Variants in VEPH1 observed in about 807,000 individuals in gnomAD.
VEPH1 encodes the protein ventricular zone-expressed PH domain-containing protein homolog 1.
Under a neutral mutation model 85.2 loss-of-function variants are expected in VEPH1, and 80 were observed. The observed-to-expected ratio is 0.94, with a 90% confidence interval of 0.78 to 1.13. The LOEUF (loss-of-function observed/expected upper bound fraction) is 1.13, where lower values mean the gene tolerates loss of function less well. VEPH1 is among the 50% of genes most tolerant of loss of function. VEPH1 has a pLI of 0.00. For synonymous variants in VEPH1, 297 were observed against 348.0 expected (o/e 0.85, Z 1.63); for missense variants, 955 against 980.5 (o/e 0.97, Z 0.35).
chr3:157,323,640 T>A (rs1199142091), intron 9 of VEPH1, among the ~76,000 whole-genome samples: 1 of 152,194 alleles, frequency 6.6e-6, no homozygotes, highest in Non-Finnish European at 1.5e-5. Context: ...CAGCCAGTTG[T>A]CAAATGGGCA....
At chr3:157,312,275 C>G (rs1024318822) in intron 11 of VEPH1, among the ~76,000 whole-genome samples, 1 of 152,114 alleles carries the variant, frequency 6.6e-6, no homozygotes, top group African/African-American at 2.4e-5. Flanking sequence ...TAAGAATAAT[C>G]AGAATATTCG....
chr3:157,485,095 A>T (rs768360242), intron 2 of VEPH1, among the ~76,000 whole-genome samples: 1 of 152,202 alleles, frequency 6.6e-6, no homozygotes. Context: ...AATTGCTGTC[A>T]TTCCCCCAAT....
intron 12 of VEPH1, among the ~76,000 whole-genome samples, chr3:157,269,641 T>TG (rs1553754080): frequency 1.7e-4 from 19 of 109,226 alleles, no homozygotes; most frequent in Non-Finnish European, 3.0e-4. Context: ...TTGTTTTTGT[T>TG]GTTTTTTTTT....
At chr3:157,352,699 C>A (rs10428149) in intron 9 of VEPH1, among the ~76,000 whole-genome samples, 43,047 of 152,094 alleles carry the variant, frequency 0.28, 6,587 homozygotes, top group African/African-American at 0.39. Context: ...ATAGCAACAA[C>A]AACAAAAAAA....
At chr3:157,475,884 G>A (rs771213426) in intron 2 of VEPH1, among the ~76,000 whole-genome samples, 16 of 152,132 alleles carry the variant, frequency 1.1e-4, no homozygotes, top group Non-Finnish European at 1.9e-4. Flanking sequence ...TTGGCTGAAT[G>A]GCCAAGGGCC....
intron 11 of VEPH1, among the ~76,000 whole-genome samples, chr3:157,300,229 A>G (rs966862019): frequency 6.6e-5 from 10 of 152,222 alleles, no homozygotes; most frequent in African/African-American, 1.9e-4. Flanking sequence ...TTATTTAAGA[A>G]AAGAACCCAA....
intron 7 of VEPH1, among the ~76,000 whole-genome samples, chr3:157,366,194 CA>C (rs1726674309): frequency 6.6e-6 from 1 of 152,122 alleles, no homozygotes; most frequent in Non-Finnish European, 1.5e-5. Flanking sequence ...TTTTTTATTA[CA>C]GTATATAATA....
chr3:157,427,737 G>A (rs1171051464), intron 5 of VEPH1, among the ~76,000 whole-genome samples: 1 of 152,228 alleles, frequency 6.6e-6, no homozygotes, highest in Non-Finnish European at 1.5e-5. Context: ...TTACAGGCAG[G>A]AGCCACCATG....
chr3:157,500,586 G>A (rs1466336071), intron 1 of VEPH1, among the ~76,000 whole-genome samples: 1 of 152,144 alleles, frequency 6.6e-6, no homozygotes, highest in Non-Finnish European at 1.5e-5. Flanking sequence ...TTCATGAGTA[G>A]CTGTATTTTT....
rs3048623 is a variant in VEPH1, at chr3:157,472,026, TTCC to T, written c.139-1500_139-1498del. Among the ~76,000 whole-genome samples the T allele has an allele frequency of 9.3e-3, 1,419 of 152,188 alleles. 19 individuals carry two copies. Among genetic ancestry groups the T allele is most frequent in the African/African-American group, 0.032 (1,312 of 41,546 alleles). ...AAAGTTAATCTCCCTGTCAGCGCTG[TTCC>T]TCATCCGTCCCAGTCCCCTTCCTCA... On this transcript the variant is annotated intron_variant, in intron 2 of 13. Transcript: ENST00000362010.
chr3:157,434,962 A>T (rs1322332000), intron 4 of VEPH1, among the ~76,000 whole-genome samples: 1 of 152,252 alleles, frequency 6.6e-6, no homozygotes, highest in Admixed American at 6.5e-5. Context: ...AAAGCAGCAC[A>T]TTTTAGATTA....
chr3:157,268,158 A>G (rs1022773083), intron 12 of VEPH1, among the ~76,000 whole-genome samples: 4 of 152,372 alleles, frequency 2.6e-5, no homozygotes, highest in African/African-American at 9.6e-5. Flanking sequence ...TAAATTTTCC[A>G]TAAACATGGT....
At chr3:157,395,603 T>A (rs1730301146) in intron 6 of VEPH1, among the ~76,000 whole-genome samples, 1 of 152,196 alleles carries the variant, frequency 6.6e-6, no homozygotes, top group African/African-American at 2.4e-5. Context: ...CTCTCCAAGG[T>A]CATCCTTTGC....
intron 11 of VEPH1, among the ~76,000 whole-genome samples, chr3:157,299,935 A>T (rs941192109): frequency 6.6e-6 from 1 of 152,110 alleles, no homozygotes; most frequent in Non-Finnish European, 1.5e-5. Flanking sequence ...TACATGTATT[A>T]TGTCTTTTGA....
rs1172477437 is a variant in VEPH1, at chr3:157,470,508, C to G, written c.160G>C (p.Asp54His). ...SSSDYQTNNN[D>H]QAVVEICITR... ...ATACAGATTTCAACTACTGCCTGGT[C>G]ATTGTTATTGGTTTGGTAATCCTGT... Residue 54 changes from aspartate to histidine, a missense_variant, in exon 3 of 14, where the codon GAC (aspartate) becomes CAC (histidine). By Grantham distance (81) the Asp-to-His change is moderately conservative (BLOSUM62 -1). Coordinates refer to ENST00000362010, the MANE Select transcript of VEPH1 (RefSeq NM_001167912.2). 6.2e-7 allele frequency: 1 copy of G among 1,614,036 alleles called. No individual in the cohort carries two copies. The highest frequency in any genetic ancestry group is 1.6e-4 in the Middle Eastern group (1 of 6,062).
intron 3 of VEPH1, among the ~76,000 whole-genome samples, chr3:157,463,366 A>C (rs62278655): frequency 0.17 from 26,209 of 152,158 alleles, 2,889 homozygotes; most frequent in East Asian, 0.38. Context: ...TTGGCGATAA[A>C]TCATGCGTCT....
chr3:157,283,485 A>C (rs2108356337), intron 12 of VEPH1, among the ~76,000 whole-genome samples: 2 of 152,324 alleles, frequency 1.3e-5, no homozygotes, highest in South Asian at 4.1e-4. Context: ...CTATCTGTAC[A>C]TTACTGGATA....
chr3:157,402,117 A>G (rs1730830489), intron 6 of VEPH1, among the ~76,000 whole-genome samples: 1 of 152,194 alleles, frequency 6.6e-6, no homozygotes, highest in African/African-American at 2.4e-5. Context: ...TATTATGTAC[A>G]TTGTATGGGA....
chr3:157,376,899 C>A (rs1021804020), intron 7 of VEPH1, among the ~76,000 whole-genome samples: 6 of 152,220 alleles, frequency 3.9e-5, no homozygotes, highest in Non-Finnish European at 8.8e-5. Flanking sequence ...GCTCCCTTCA[C>A]TTATTCATTT....
Sources: allele counts gnomAD v4.1 joint callset (sites outside exome capture counted in the v4.1 genomes callset), GRCh38; gene constraint gnomAD v4.1.1; transcripts MANE v1.5; gene names NCBI Gene and HGNC (gene_info 2026-07-23, HGNC 2026-07-21).